PCDHGB4: variants seen among roughly 807,000 people sequenced by gnomAD.
PCDHGB4 encodes the protein protocadherin gamma-B4.
Under a neutral mutation model 60.5 loss-of-function variants are expected in PCDHGB4, and 38 were observed. The ratio of observed to expected loss-of-function variants is 0.63; its 90% CI spans 0.48 to 0.82. PCDHGB4 has a LOEUF of 0.82. Ranked by LOEUF, PCDHGB4 falls within the 40% of genes least tolerant of loss-of-function variation. The pLI, the probability that PCDHGB4 is intolerant of heterozygous loss-of-function variation, is 0.00. For synonymous variants in PCDHGB4, 456 were observed against 509.7 expected (o/e 0.89, Z 1.42); for missense variants, 1,109 against 1,209.6 (o/e 0.92, Z 1.23).
intron 1 of PCDHGB4, among the ~76,000 whole-genome samples, chr5:141,430,383 G>GA (rs139772145): frequency 0.061 from 8,436 of 138,452 alleles, 243 homozygotes; most frequent in South Asian, 0.089. Context: ...AGCTCATTGG[G>GA]AAAAAAAAAA....
At chr5:141,423,084 G>C (rs1427825232) in intron 1 of PCDHGB4, 2 of 1,613,942 alleles carry the variant, frequency 1.2e-6, no homozygotes, top group Non-Finnish European at 1.7e-6. Flanking sequence ...GACTCTTCGC[G>C]GTGGGGGAGC....
intron 1 of PCDHGB4, among the ~76,000 whole-genome samples, chr5:141,434,746 C>T (rs1591345130): frequency 6.6e-6 from 1 of 151,796 alleles, no homozygotes; most frequent in South Asian, 2.1e-4. Context: ...GGCTATGAGA[C>T]CCCTGATTCC....
At chr5:141,500,348 A>G (rs2099799436) in intron 2 of PCDHGB4, among the ~76,000 whole-genome samples, 1 of 151,950 alleles carries the variant, frequency 6.6e-6, no homozygotes, top group Non-Finnish European at 1.5e-5. Context: ...AGCTGGGACT[A>G]CAGGCGCCCA....
chr5:141,397,961 G>C, intron 1 of PCDHGB4: 2 of 1,038,400 alleles, frequency 1.9e-6, no homozygotes, highest in Non-Finnish European at 2.7e-6. Context: ...CCCCAGCTCA[G>C]ACTCCCCAGC....
chr5:141,440,572 GT>G (rs1233263525), intron 1 of PCDHGB4: 1 of 152,200 alleles, frequency 6.6e-6, no homozygotes, highest in Non-Finnish European at 1.5e-5. Context: ...GTATCTCTGA[GT>G]TTACCCAGCT....
intron 1 of PCDHGB4, among the ~76,000 whole-genome samples, chr5:141,474,588 A>G (rs2099351676): frequency 6.6e-6 from 1 of 152,258 alleles, no homozygotes; most frequent in Non-Finnish European, 1.5e-5. Context: ...TGTTAAAGAC[A>G]TGGAAATATA....
chr5:141,419,967 TTCTC>T (rs1324855239), intron 1 of PCDHGB4: 2 of 1,614,086 alleles, frequency 1.2e-6, no homozygotes, highest in Admixed American at 3.3e-5. Context: ...TCTGTGCTCT[TTCTC>T]CTCGCGGTGA....
At position 141,491,770 on chromosome 5, in the gene PCDHGB4, G is replaced by C. The variant is rs1230581925; in HGVS notation, c.2398-3037G>C. 1 of 1,560,888 alleles carries C rather than the reference G, an allele frequency of 6.4e-7. No individual in the cohort carries two copies. Among genetic ancestry groups the C allele is most frequent in the Non-Finnish European group, 8.7e-7 (1 of 1,154,942 alleles). On this transcript the variant is annotated intron_variant, in intron 1 of 3. Coordinates refer to ENST00000519479, the MANE Select transcript of PCDHGB4 (RefSeq NM_003736.4). This position sits in a 1 kb window ranked among gnomAD's most constrained non-coding sequence, Gnocchi z 6.9. ...TGGAGAAGCCGCCCGTCCTCATAAG[G>C]GATTGAACTTGCATCCACTCCTCTC...
Position 141,390,223 on chromosome 5 carries a change from G to T in PCDHGB4, c.2339G>T (p.Gly780Val), listed in dbSNP as rs137959577. ...AGTTCAGGACAAGACATACTTTGCG[G>T]TGATTCATCTGGGGCCTTATTTCCA... ...QLSSGQDILC[G>V]DSSGALFPLC... Residue 780 changes from glycine (G) to valine (V), a missense_variant, in exon 1 of 4, where the codon GGT becomes GTT. Physicochemically the swap from Gly to Val is moderately radical, Grantham distance 109. This residue lies in a region of PCDHGB4 where 1,068 missense variants were observed against 1,089.9 expected (regional missense o/e 0.98). Coordinates refer to ENST00000519479, the MANE Select transcript of PCDHGB4 (RefSeq NM_003736.4). The T allele has an allele frequency of 1.9e-6, 3 of 1,614,020 alleles. No individual in the cohort carries two copies. Among genetic ancestry groups the T allele is most frequent in the East Asian group, 2.2e-5 (1 of 44,894 alleles).
At chr5:141,417,887 C>T in intron 1 of PCDHGB4, 2 of 1,564,888 alleles carry the variant, frequency 1.3e-6, no homozygotes, top group Non-Finnish European at 1.7e-6. Flanking sequence ...GCAGAGGCGC[C>T]GGGCCGGCCC....
chr5:141,419,145 A>T, intron 1 of PCDHGB4: 1 of 1,613,940 alleles, frequency 6.2e-7, no homozygotes, highest in Non-Finnish European at 8.5e-7. Flanking sequence ...GACAGGGGCA[A>T]GCCTCCGTTA....
rs2093887845 is a variant in PCDHGB4, at chr5:141,399,791, C to T, written c.2397+9510C>T. ...TTGGTGGGCGACCGAAACGACAACG[C>T]ACCGCGGGTGCTGTACCCCGCGCTG... On this transcript the variant is annotated intron_variant, in intron 1 of 3. Transcript: ENST00000519479. 1.2e-6 allele frequency: 2 copies of T among 1,613,128 alleles called. No individual in the cohort carries two copies. Among genetic ancestry groups the T allele is most frequent in the Admixed American group, 1.7e-5 (1 of 59,984 alleles).
intron 1 of PCDHGB4, chr5:141,419,135 G>A (rs2096331504): frequency 3.1e-6 from 5 of 1,613,910 alleles, no homozygotes; most frequent in Non-Finnish European, 4.2e-6. Flanking sequence ...CGCAGCCACA[G>A]ACAGGGGCAA....
At chr5:141,479,366 T>A (rs2099494042) in intron 1 of PCDHGB4, 1 of 152,302 alleles carries the variant, frequency 6.6e-6, no homozygotes, top group Non-Finnish European at 1.5e-5. Flanking sequence ...GTGCCTGAGG[T>A]GGGAGGATTG....
chr5:141,508,269 C>G (rs1459186158), intron 3 of PCDHGB4: 1 of 152,186 alleles, frequency 6.6e-6, no homozygotes, highest in Non-Finnish European at 1.5e-5. Flanking sequence ...GAGAAAATCC[C>G]GGTCCTTGAC....
At chr5:141,393,762 A>G (rs2092837336) in intron 1 of PCDHGB4, 1 of 1,613,940 alleles carries the variant, frequency 6.2e-7, no homozygotes, top group African/African-American at 1.3e-5. Context: ...ATTTTATGAA[A>G]TGGAAATACA....
At chr5:141,438,159 T>TA (rs974013542) in intron 1 of PCDHGB4, among the ~76,000 whole-genome samples, 44 of 152,258 alleles carry the variant, frequency 2.9e-4, no homozygotes, top group African/African-American at 9.9e-4. Context: ...ATGGCAAAGC[T>TA]AATTGGAAAA....
chr5:141,400,543 T>C (rs2094038969), intron 1 of PCDHGB4: 1 of 1,613,794 alleles, frequency 6.2e-7, no homozygotes. Flanking sequence ...CATTTATGTC[T>C]ATTCTTTTTC....
chr5:141,449,936 T>C (rs1016569958), intron 1 of PCDHGB4, among the ~76,000 whole-genome samples: 4 of 151,978 alleles, frequency 2.6e-5, no homozygotes, highest in African/African-American at 9.6e-5. Context: ...CCTTATAGTA[T>C]ATTTTACTAT....
Sources: allele counts gnomAD v4.1 joint callset (sites outside exome capture counted in the v4.1 genomes callset), GRCh38; gene constraint gnomAD v4.1.1; regional missense constraint gnomAD v4.1.1; non-coding constraint Gnocchi (gnomAD v3.1); transcripts MANE v1.5; gene names NCBI Gene and HGNC (gene_info 2026-07-23, HGNC 2026-07-21).